PRDM16: variants seen among roughly 807,000 people sequenced by gnomAD.
The protein encoded by PRDM16 is PR/SET domain 16, also known as histone-lysine N-methyltransferase PRDM16.
In PRDM16, 23 loss-of-function variants were observed where a neutral mutation model predicts 110.6. The observed-to-expected ratio is 0.21, with a 90% CI of 0.15 to 0.29. The LOEUF is 0.29. Ranked by LOEUF, PRDM16 falls within the 10% of genes least tolerant of loss-of-function variation. The probability of loss-of-function intolerance (pLI) is 1.00; values close to 1 mark genes in which losing one functional copy is unlikely to be tolerated. For missense variants in PRDM16, 1,615 were observed against 1,794.3 expected (o/e 0.90, Z 1.81); for synonymous variants, 799 against 781.8 (o/e 1.02, Z -0.37).
intron 2 of PRDM16, among the ~76,000 whole-genome samples, chr1:3,192,324 G>A (rs1050958932): frequency 6.6e-6 from 1 of 152,186 alleles, no homozygotes; most frequent in Non-Finnish European, 1.5e-5. Flanking sequence ...GCTTCTCTGG[G>A]AGTTCCGGCT....
intron 2 of PRDM16, 51 bp downstream of exon 2, chr1:3,186,525 C>A: frequency 8.2e-7 from 1 of 1,224,920 alleles, no homozygotes; most frequent in Non-Finnish European, 1.1e-6. Context: ...ATCTTGTGTT[C>A]AATCTATTTA....
At chr1:3,388,099 G>T (rs558454036) in intron 4 of PRDM16, among the ~76,000 whole-genome samples, 47 of 152,322 alleles carry the variant, frequency 3.1e-4, no homozygotes, top group African/African-American at 1.1e-3. Context: ...ATAAAGCCAA[G>T]AATTTTTTAA....
intron 1 of PRDM16, among the ~76,000 whole-genome samples, chr1:3,092,194 T>TCACC (rs1642294465): frequency 4.6e-5 from 7 of 151,932 alleles, no homozygotes; most frequent in Admixed American, 4.6e-4. Flanking sequence ...GGGCCCCAGG[T>TCACC]GGTGGGTGAC....
intron 1 of PRDM16, among the ~76,000 whole-genome samples, chr1:3,078,968 C>T (rs944712052): frequency 3.3e-5 from 5 of 152,252 alleles, no homozygotes; most frequent in Non-Finnish European, 7.3e-5. Context: ...CATATCAGTC[C>T]GTAAAACATT....
chr1:3,090,951 G>C (rs532370656), intron 1 of PRDM16, among the ~76,000 whole-genome samples: 1 of 152,220 alleles, frequency 6.6e-6, no homozygotes, highest in Admixed American at 6.5e-5. Flanking sequence ...GGGGAGCCAC[G>C]AACGAGAAGC....
At chr1:3,187,045 C>G (rs1164693565) in intron 2 of PRDM16, among the ~76,000 whole-genome samples, 4 of 152,338 alleles carry the variant, frequency 2.6e-5, no homozygotes, top group African/African-American at 7.2e-5. Context: ...ACGTGACTGG[C>G]CTTGAGGGTC....
chr1:3,212,695 CT>C (rs1638925743), intron 2 of PRDM16, among the ~76,000 whole-genome samples: 41 of 151,688 alleles, frequency 2.7e-4, no homozygotes, highest in African/African-American at 8.2e-4. Flanking sequence ...CTGCGGTCCT[CT>C]CTGCCACTGT....
At position 3,396,504 on chromosome 1, in the gene PRDM16, T is replaced by C. The variant is rs759431214; in HGVS notation, c.587T>C (p.Val196Ala). The C allele has an allele frequency of 6.3e-7, 1 of 1,591,112 alleles. No individual in the cohort carries two copies. Reference protein sequence around the residue: ...CQISEQIYYKVIKDIEPGEEL... With the variant: ...CQISEQIYYKAIKDIEPGEEL... The stretch of plus-strand genomic sequence containing the variant: ...TCTCCATCCTAGATTTACTATAAAG[T>C]CATTAAGGACATTGAGCCAGGTGAG... The change falls in exon 5 of 17, where the codon GTC becomes GCC. Residue 196 changes from valine (V) to alanine (A), a missense_variant. Val to Ala is a moderately conservative substitution (Grantham distance 64). This residue lies in a region of PRDM16 where 416 missense variants were observed against 467.1 expected (regional missense o/e 0.89). Coordinates refer to ENST00000270722, the MANE Select transcript of PRDM16 (RefSeq NM_022114.4).
At position 3,274,201 on chromosome 1, in the gene PRDM16, C is replaced by T. The variant is rs80109364; in HGVS notation, c.438+30064C>T. Among the ~76,000 whole-genome samples, 36 of 152,252 alleles carry T rather than the reference C, an allele frequency of 2.4e-4. No individual in the cohort carries two copies. The East Asian group carries it at 2.9e-3, about 12-fold the overall frequency. ...GCTATCCTTGCTTGCCAAAACCTGA[C>T]GCCCTGGCAGGTAACTTTCATCAGG... On this transcript the variant is annotated intron_variant, in intron 3 of 16. Transcript: ENST00000270722.
In PRDM16 at chr1:3,114,573, C is replaced by T. The variant is rs199623198; in HGVS notation, c.37+45277C>T. Among the ~76,000 whole-genome samples, 204 of 135,636 alleles carry T rather than the reference C, an allele frequency of 1.5e-3. 1 individual carries two copies. Among genetic ancestry groups the T allele is most frequent in the Middle Eastern group, 0.015 (4 of 270 alleles). The allele number at this position is 135,636 out of a possible 152,430, so 89.0% of individuals were successfully genotyped here. A position where few individuals can be genotyped will look rare whatever the true frequency, so the allele number is the denominator to read the frequency against. The stretch of plus-strand genomic sequence containing the variant: ...ACACACGTGCACAAACAAGCACACA[C>T]TTGCACACACAAGAACACACGTGCA... On this transcript the variant is annotated intron_variant, in intron 1 of 16. Coordinates refer to ENST00000270722, the MANE Select transcript of PRDM16 (RefSeq NM_022114.4).
At chr1:3,349,160 T>A (rs112295117) in intron 3 of PRDM16, among the ~76,000 whole-genome samples, 1,657 of 152,332 alleles carry the variant, frequency 0.011, 38 homozygotes, top group African/African-American at 0.038. Flanking sequence ...AGCCTCGCCC[T>A]GCCCCACCTC....
At chr1:3,402,701 G>A (rs1273147722) in intron 5 of PRDM16, 90 bp from the exon 6 acceptor site, 25 of 1,176,428 alleles carry the variant, frequency 2.1e-5, no homozygotes, top group Middle Eastern at 2.0e-4. Context: ...CTGAGGCACC[G>A]TGGTGAGGGG....
At chr1:3,292,067 C>A (rs1640985134) in intron 3 of PRDM16, among the ~76,000 whole-genome samples, 1 of 151,940 alleles carries the variant, frequency 6.6e-6, no homozygotes, top group African/African-American at 2.4e-5. Flanking sequence ...GCCGCTTCAG[C>A]AAGGCTGGCG....
chr1:3,373,546 T>C (rs984491410), intron 3 of PRDM16, among the ~76,000 whole-genome samples: 2 of 152,188 alleles, frequency 1.3e-5, no homozygotes, highest in Non-Finnish European at 2.9e-5. Flanking sequence ...GTCTCTGTGC[T>C]TATGAAAAAC....
At chr1:3,095,332 C>G (rs1294363514) in intron 1 of PRDM16, among the ~76,000 whole-genome samples, 1 of 148,084 alleles carries the variant, frequency 6.8e-6, no homozygotes. Flanking sequence ...TAGCAAACAA[C>G]TCGGTGTGTC....
chr1:3,111,723 C>A (rs1370934816), intron 1 of PRDM16, among the ~76,000 whole-genome samples: 1 of 152,160 alleles, frequency 6.6e-6, no homozygotes, highest in Admixed American at 6.5e-5. Context: ...CGCCTGTCAG[C>A]CCCGCTGTCA....
At chr1:3,214,112 T>G (rs1177714228) in intron 2 of PRDM16, among the ~76,000 whole-genome samples, 1 of 152,166 alleles carries the variant, frequency 6.6e-6, no homozygotes, top group East Asian at 1.9e-4. Flanking sequence ...GCAAAAAGTG[T>G]GTTTCCTTGT....
At chr1:3,113,355 C>T (rs1458283388) in intron 1 of PRDM16, among the ~76,000 whole-genome samples, 2 of 152,172 alleles carry the variant, frequency 1.3e-5, no homozygotes, top group Admixed American at 1.3e-4. Context: ...AACACAGTGG[C>T]TCCTTCACTG....
intron 1 of PRDM16, among the ~76,000 whole-genome samples, chr1:3,089,289 G>T (rs982397427): frequency 2.0e-5 from 3 of 152,214 alleles, no homozygotes; most frequent in African/African-American, 7.2e-5. Context: ...AGGGACTGCT[G>T]GTAGCCCAGG....
Sources: gnomAD v4.1 joint callset for allele counts (sites outside exome capture counted in the v4.1 genomes callset) on GRCh38, gnomAD v4.1.1 for gene constraint, gnomAD v4.1.1 regional missense constraint, MANE v1.5 for transcripts, NCBI Gene and HGNC (gene_info 2026-07-23, HGNC 2026-07-21) for gene names.